The following SCN11A variants were observed in gnomAD, a reference collection of about 807,000 sequenced individuals.
The protein encoded by SCN11A is sodium voltage-gated channel alpha subunit 11.
In SCN11A, 122 loss-of-function variants were observed where a neutral mutation model predicts 162.2. The observed-to-expected ratio is 0.75, with a 90% CI of 0.65 to 0.87. The LOEUF (loss-of-function observed/expected upper bound fraction) is 0.87. SCN11A is among the 40% of genes least tolerant of loss of function. The probability of loss-of-function intolerance (pLI) is 0.00; values close to 1 mark genes in which losing one functional copy is unlikely to be tolerated. For missense variants in SCN11A, 2,015 were observed against 2,181.6 expected (o/e 0.92, Z 1.52); for synonymous variants, 758 against 751.5 (o/e 1.01, Z -0.14).
intron 2 of SCN11A, among the ~76,000 whole-genome samples, chr3:38,972,336 C>G (rs1441334915): frequency 6.6e-6 from 1 of 152,132 alleles, no homozygotes; most frequent in Non-Finnish European, 1.5e-5. Context: ...TGACCCAGGT[C>G]CTTTTACCTA....
chr3:38,883,082 T>C lies in SCN11A; in HGVS notation c.3219+151A>G, dbSNP rs1259579788. 24 of 637,320 alleles carry C rather than the reference T, an allele frequency of 3.8e-5. No individual in the cohort carries two copies. The Admixed American group carries it at 4.0e-4, about 11-fold the overall frequency. 39.5% of individuals were successfully genotyped at this position (637,320 alleles called of 1,614,324 possible). A position where few individuals can be genotyped will look rare whatever the true frequency, so the allele number is the denominator to read the frequency against. The stretch of plus-strand genomic sequence containing the variant: ...CAGTTGAGCACGATTTCAGAAGCTG[T>C]GCAAAACCCTGCCCACTGCGGGAAC... On this transcript the variant is annotated intron_variant, in intron 22 of 29. Coordinates refer to ENST00000302328, the MANE Select transcript of SCN11A (RefSeq NM_001349253.2).
At chr3:38,898,483 A>G (rs2065643411) in intron 17 of SCN11A, among the ~76,000 whole-genome samples, 1 of 152,228 alleles carries the variant, frequency 6.6e-6, no homozygotes, top group Non-Finnish European at 1.5e-5. Flanking sequence ...TAACTTCTGC[A>G]TTATATAATT....
chr3:39,046,478 A>G (rs2032184277), intron 1 of SCN11A, among the ~76,000 whole-genome samples: 1 of 152,210 alleles, frequency 6.6e-6, no homozygotes, highest in Non-Finnish European at 1.5e-5. Flanking sequence ...CCCTATCAAA[A>G]TACCAATGAC....
Position 38,994,854 on chromosome 3 carries a change from G to A in SCN11A, c.-279-34431C>T, listed in dbSNP as rs531520568. ...GGGAGAGACTCACATGGCCAGCAGAGGAGCTATTTGTCTGCAGCTGAGAGG... is the reference window on the plus strand; with the variant it reads ...GGGAGAGACTCACATGGCCAGCAGAAGAGCTATTTGTCTGCAGCTGAGAGG... On this transcript the variant is annotated intron_variant, in intron 2 of 29. Transcript: ENST00000302328. Among the ~76,000 whole-genome samples the A allele has an allele frequency of 2.6e-5, 4 of 152,282 alleles. No individual in the cohort carries two copies. The South Asian group carries it at 8.3e-4, about 32-fold the overall frequency.
chr3:38,966,716 C>G (rs1054350271), intron 2 of SCN11A, among the ~76,000 whole-genome samples: 1 of 152,176 alleles, frequency 6.6e-6, no homozygotes, highest in African/African-American at 2.4e-5. Flanking sequence ...TCTACCTAAC[C>G]GTATGTTTGT....
intron 5 of SCN11A, among the ~76,000 whole-genome samples, chr3:38,949,669 G>T (rs73828749): frequency 0.016 from 2,428 of 152,286 alleles, 67 homozygotes; most frequent in African/African-American, 0.056. Context: ...TTCCCAGCAT[G>T]TCTATGCTCT....
chr3:38,925,200 G>A (rs919371107), intron 9 of SCN11A, among the ~76,000 whole-genome samples: 2 of 148,998 alleles, frequency 1.3e-5, no homozygotes, highest in African/African-American at 5.0e-5. Context: ...AAAACTCCAT[G>A]AGTCCGTATC....
At chr3:38,915,430 T>C (rs1449356998) in intron 11 of SCN11A, among the ~76,000 whole-genome samples, 1 of 152,216 alleles carries the variant, frequency 6.6e-6, no homozygotes, top group Non-Finnish European at 1.5e-5. Context: ...GTTTTTGATG[T>C]GGGCGTTTAG....
At chr3:39,046,402 C>G (rs941359179) in intron 1 of SCN11A, among the ~76,000 whole-genome samples, 2 of 152,090 alleles carry the variant, frequency 1.3e-5, no homozygotes, top group African/African-American at 4.8e-5. Flanking sequence ...CATCCATGTT[C>G]ATATACTGAA....
chr3:38,909,948 A>G, intron 12 of SCN11A, 118 bp downstream of exon 12: 3 of 974,780 alleles, frequency 3.1e-6, no homozygotes, highest in Non-Finnish European at 4.5e-6. Flanking sequence ...ACAGATGATA[A>G]AAGTGGGGGA....
intron 23 of SCN11A, among the ~76,000 whole-genome samples, chr3:38,873,916 T>C: frequency 6.6e-6 from 1 of 152,232 alleles, no homozygotes; most frequent in East Asian, 1.9e-4. Context: ...GTACAGCATA[T>C]AAATCTTCAT....
At chr3:38,974,694 C>CAAAAAAAAAAAAA (rs773028321) in intron 2 of SCN11A, among the ~76,000 whole-genome samples, 1 of 48,144 alleles carries the variant, frequency 2.1e-5, no homozygotes, top group African/African-American at 6.2e-5. Context: ...GACTCCGTCT[C>CAAAAAAAAAAAAA]AAAAAAAAAA....
chr3:38,891,784 T>G (rs2065504099), intron 19 of SCN11A, among the ~76,000 whole-genome samples: 2 of 152,220 alleles, frequency 1.3e-5, no homozygotes, highest in Non-Finnish European at 2.9e-5. Context: ...AATAACAGCA[T>G]TAATCCATTC....
intron 2 of SCN11A, among the ~76,000 whole-genome samples, chr3:38,980,171 G>T (rs562506276): frequency 6.6e-6 from 1 of 151,990 alleles, no homozygotes; most frequent in Admixed American, 6.6e-5. Context: ...GCTGGAGGAG[G>T]CATCAACTTA....
rs1002303243 is a variant in SCN11A at position 38,987,330 on chromosome 3, C to A, written c.-279-26907G>T. On this transcript the variant is annotated intron_variant, in intron 2 of 29. Transcript: ENST00000302328. ...ACACACACACACACACACACACACA[C>A]ACACACACACACCTGTCCTGTCCTT... Among the ~76,000 whole-genome samples, 540 of 151,530 alleles carry A rather than the reference C, an allele frequency of 3.6e-3. 5 individuals are homozygous for A. The highest frequency in any genetic ancestry group is 0.012 in the African/African-American group (513 of 41,188).
At chr3:38,865,827 C>A (rs1195576600) in intron 27 of SCN11A, among the ~76,000 whole-genome samples, 1 of 151,946 alleles carries the variant, frequency 6.6e-6, no homozygotes, top group East Asian at 1.9e-4. Flanking sequence ...AGTGTGTAAC[C>A]TCACTAATGA....
chr3:39,007,000 T>A (rs550898939), intron 2 of SCN11A, among the ~76,000 whole-genome samples: 1 of 151,968 alleles, frequency 6.6e-6, no homozygotes, highest in Admixed American at 6.6e-5. Context: ...AGTAGTTTCA[T>A]AGAGAGAGAG....
chr3:38,937,729 T>G lies in SCN11A; in HGVS notation c.488+7682A>C, dbSNP rs550850678. On this transcript the variant is annotated intron_variant, in intron 7 of 29. Coordinates refer to ENST00000302328, the MANE Select transcript of SCN11A (RefSeq NM_001349253.2). ...ATTAATAAGTCAGGAAACAACAGGT[T>G]CTGGAGAGGATGTGGAGAAATAGGA... is the stretch of plus-strand genomic sequence containing the variant. Among the ~76,000 whole-genome samples the G allele has an allele frequency of 5.6e-4, 85 of 152,260 alleles. No homozygotes were observed. The East Asian group carries it at 7.5e-3, about 14-fold the overall frequency.
chr3:38,846,511 C>T lies in SCN11A; in HGVS notation c.*183G>A. The T allele has an allele frequency of 1.7e-6, 1 of 591,686 alleles. No individual in the cohort carries two copies. Among genetic ancestry groups the T allele is most frequent in the Non-Finnish European group, 3.0e-6 (1 of 333,828 alleles). The allele number at this position is 591,686 out of a possible 1,614,324, so 36.7% of individuals were successfully genotyped here. A position where few individuals can be genotyped will look rare whatever the true frequency, so the allele number is the denominator to read the frequency against. ...ACCACTGGTTGTCAAGTAGCCTTAT[C>T]TTATATCTCTGTAAGTATTATTTAA... On this transcript the variant is annotated 3_prime_UTR_variant, in exon 30 of 30. Coordinates refer to ENST00000302328, the MANE Select transcript of SCN11A (RefSeq NM_001349253.2).
Sources: allele counts gnomAD v4.1 joint callset (sites outside exome capture counted in the v4.1 genomes callset), GRCh38; gene constraint gnomAD v4.1.1; transcripts MANE v1.5; gene names NCBI Gene and HGNC (gene_info 2026-07-23, HGNC 2026-07-21).